Variants in TNKS observed in about 807,000 individuals in gnomAD.
TNKS encodes poly [ADP-ribose] polymerase tankyrase-1.
A neutral mutation model predicts 135.8 loss-of-function variants in TNKS; 72 were observed. The ratio of observed to expected loss-of-function variants is 0.53; its 90% CI spans 0.44 to 0.64. The LOEUF (loss-of-function observed/expected upper bound fraction) is 0.64, where lower values mean the gene tolerates loss of function less well. TNKS is among the 30% of genes least tolerant of loss of function. TNKS has a pLI of 0.00. For synonymous variants in TNKS, 849 were observed against 649.3 expected, an observed-to-expected ratio of 1.31 and a Z score of -4.68; for missense variants, 1,769 against 1,674.0, an observed-to-expected ratio of 1.06 and a Z score of -0.99.
rs140284812 is a variant in TNKS at position 9,559,177 on chromosome 8, C to A, written c.673+2565C>A. Among the ~76,000 whole-genome samples the A allele has an allele frequency of 8.5e-3, 1,295 of 152,148 alleles. 8 individuals are homozygous for A. Among genetic ancestry groups the A allele is most frequent in the Non-Finnish European group, 0.012 (830 of 67,972 alleles). ...AGTGGGGAAGCATAAACAACAACAA[C>A]AACAAAAACCTATAAAGTATCTAGT... On this transcript the variant is annotated intron_variant, in intron 1 of 26. Coordinates refer to ENST00000310430, the MANE Select transcript of TNKS (RefSeq NM_003747.3).
intron 3 of TNKS, among the ~76,000 whole-genome samples, chr8:9,623,142 A>C: frequency 6.6e-6 from 1 of 152,218 alleles, no homozygotes; most frequent in South Asian, 2.1e-4. Flanking sequence ...AACCACAGAA[A>C]GGGAAACTGC....
chr8:9,652,921 A>T (rs1490591296), intron 3 of TNKS, among the ~76,000 whole-genome samples: 1 of 152,214 alleles, frequency 6.6e-6, no homozygotes, highest in African/African-American at 2.4e-5. Context: ...ACATGGTTAG[A>T]TAATGGCAGA....
intron 26 of TNKS, chr8:9,772,264 G>T (rs1807951107): frequency 4.9e-6 from 2 of 408,852 alleles, no homozygotes; most frequent in Non-Finnish European, 4.9e-6. Flanking sequence ...AAGGGGGCTG[G>T]GGGGAGGAGT....
chr8:9,596,649 A>G (rs899533980), intron 2 of TNKS, among the ~76,000 whole-genome samples: 1 of 152,212 alleles, frequency 6.6e-6, no homozygotes, highest in African/African-American at 2.4e-5. Context: ...TGTGTAGCCA[A>G]AGATACATTT....
At chr8:9,620,000 A>C (rs181816281) in intron 3 of TNKS, among the ~76,000 whole-genome samples, 1 of 150,270 alleles carries the variant, frequency 6.7e-6, no homozygotes, top group African/African-American at 2.4e-5. Flanking sequence ...GCCAGGTTGG[A>C]GTGCAGTGGC....
At chr8:9,736,255 C>A (rs942765731) in intron 17 of TNKS, among the ~76,000 whole-genome samples, 1 of 150,112 alleles carries the variant, frequency 6.7e-6, no homozygotes, top group South Asian at 2.1e-4. Flanking sequence ...CAGTGGCATG[C>A]GCCTGTAATC....
At chr8:9,753,028 C>T (rs6989782) in intron 20 of TNKS, among the ~76,000 whole-genome samples, 41,422 of 151,460 alleles carry the variant, frequency 0.27, 6,158 homozygotes, top group East Asian at 0.39. Context: ...TTGCTTCTTA[C>T]GAGCTATTCT....
At chr8:9,646,930 G>A (rs35700558) in intron 3 of TNKS, among the ~76,000 whole-genome samples, 125,173 of 152,062 alleles carry the variant, frequency 0.82, 51,980 homozygotes, top group Non-Finnish European at 0.88. Flanking sequence ...ACTGTCTTTA[G>A]AAAAAGAAAA....
intron 17 of TNKS, among the ~76,000 whole-genome samples, chr8:9,744,273 G>A (rs1378002139): frequency 1.3e-5 from 2 of 152,098 alleles, no homozygotes; most frequent in African/African-American, 4.8e-5. Context: ...GTCAGTAAAT[G>A]GCATTGATAC....
intron 1 of TNKS, among the ~76,000 whole-genome samples, chr8:9,564,119 C>A (rs1292772404): frequency 6.6e-6 from 1 of 152,020 alleles, no homozygotes; most frequent in East Asian, 1.9e-4. Context: ...TTTTCAGGAA[C>A]CTTAACCGGA....
intron 5 of TNKS, among the ~76,000 whole-genome samples, chr8:9,697,005 G>T (rs1308399203): frequency 6.6e-6 from 1 of 152,010 alleles, no homozygotes; most frequent in Non-Finnish European, 1.5e-5. Flanking sequence ...GCAATCCTAA[G>T]CAAAAAACAA....
At chr8:9,562,008 G>A (rs1018727730) in intron 1 of TNKS, among the ~76,000 whole-genome samples, 2 of 151,880 alleles carry the variant, frequency 1.3e-5, no homozygotes, top group Non-Finnish European at 2.9e-5. Flanking sequence ...GTAGAGACGG[G>A]GTTTCACCAT....
chr8:9,642,564 A>G, intron 3 of TNKS, among the ~76,000 whole-genome samples: 1 of 146,390 alleles, frequency 6.8e-6, no homozygotes, highest in East Asian at 2.1e-4. Context: ...TAGTTACATA[A>G]TTTGTTAGAC....
intron 25 of TNKS, 125 bp downstream of exon 25, chr8:9,766,550 G>T: frequency 2.4e-6 from 2 of 848,720 alleles, no homozygotes; most frequent in South Asian, 3.5e-5. Context: ...GCGGTGGCAC[G>T]ATCCTGGCTC....
intron 9 of TNKS, 130 bp downstream of exon 9, chr8:9,708,622 G>A: frequency 1.9e-6 from 2 of 1,035,064 alleles, no homozygotes; most frequent in South Asian, 2.9e-5. Flanking sequence ...GTTAATTTTG[G>A]TTGCATTGAT....
intron 13 of TNKS, among the ~76,000 whole-genome samples, chr8:9,728,444 G>A (rs1264766366): frequency 1.3e-5 from 2 of 151,940 alleles, no homozygotes; most frequent in Non-Finnish European, 1.5e-5. Context: ...AAGCAGGATG[G>A]GCTTCTATTT....
At chr8:9,743,836 C>G (rs1806095721) in intron 17 of TNKS, among the ~76,000 whole-genome samples, 1 of 152,194 alleles carries the variant, frequency 6.6e-6, no homozygotes. Flanking sequence ...CATGTCACTC[C>G]TACATTTCAC....
chr8:9,584,032 T>C (rs1054405866), intron 2 of TNKS, among the ~76,000 whole-genome samples: 91 of 151,276 alleles, frequency 6.0e-4, no homozygotes, highest in African/African-American at 2.0e-3. Flanking sequence ...GGCGTGGTGG[T>C]GGGCGCCTGT....
intron 12 of TNKS, among the ~76,000 whole-genome samples, chr8:9,720,755 G>A (rs897306461): frequency 6.6e-6 from 1 of 152,036 alleles, no homozygotes; most frequent in African/African-American, 2.4e-5. Context: ...GTTTTTTTAG[G>A]TTTAAATTGA....
Sources: gnomAD v4.1 joint callset for allele counts (sites outside exome capture counted in the v4.1 genomes callset) on GRCh38, gnomAD v4.1.1 for gene constraint, MANE v1.5 for transcripts, NCBI Gene and HGNC (gene_info 2026-07-23, HGNC 2026-07-21) for gene names.